PCDHGB1: variants seen among roughly 807,000 people sequenced by gnomAD.
PCDHGB1 encodes the protein protocadherin gamma subfamily B, 1.
In PCDHGB1, 34 loss-of-function variants were observed where a neutral mutation model predicts 56.6. The observed-to-expected ratio is 0.60, with a 90% confidence interval of 0.46 to 0.80. The LOEUF is 0.80. Among genes scored for constraint, PCDHGB1 ranks in the 30% least tolerant of loss-of-function variants. The pLI is 0.00. For missense variants in PCDHGB1, 1,278 were observed against 1,204.6 expected (o/e 1.06, Z -0.90); for synonymous variants, 561 against 505.9 (o/e 1.11, Z -1.46).
At chr5:141,422,709 T>A in intron 1 of PCDHGB1, 1 of 1,603,558 alleles carries the variant, frequency 6.2e-7, no homozygotes, top group Admixed American at 1.7e-5. Flanking sequence ...CTCTGACGGA[T>A]GACACTGTCC....
chr5:141,399,755 G>A (rs1420211451), intron 1 of PCDHGB1: 1 of 1,613,232 alleles, frequency 6.2e-7, no homozygotes, highest in African/African-American at 1.3e-5. Context: ...GCAAACGTGA[G>A]CCTGCGCGTG....
At chr5:141,507,833 G>C (rs1184502436) in intron 3 of PCDHGB1, among the ~76,000 whole-genome samples, 2 of 152,172 alleles carry the variant, frequency 1.3e-5, no homozygotes, top group East Asian at 3.9e-4. Flanking sequence ...GGAGGTGGTG[G>C]GTCAGGCCCT....
At chr5:141,410,821 C>A in intron 1 of PCDHGB1, 1 of 441,370 alleles carries the variant, frequency 2.3e-6, no homozygotes, top group Non-Finnish European at 3.8e-6. Context: ...AAAATAATGT[C>A]ACCAGACTGA....
rs1439786491 is a variant in PCDHGB1 at position 141,399,634 on chromosome 5, A to G, written c.2409+46965A>G. 9 of 1,613,742 alleles carry G rather than the reference A, an allele frequency of 5.6e-6. No individual in the cohort carries two copies. The highest frequency in any genetic ancestry group is 1.3e-5 in the African/African-American group (1 of 74,954). On this transcript the variant is annotated intron_variant, in intron 1 of 3. Transcript: ENST00000523390. ...TCTGGCACTGGCCTCTTACGTGTCC[A>G]TGAGCGCGCAAAGTGGGGTGGTGTT...
Position 141,486,601 on chromosome 5 carries a change from C to A in PCDHGB1, c.2410-8206C>A, listed in dbSNP as rs770685748. On this transcript the variant is annotated intron_variant, in intron 1 of 3. Transcript: ENST00000523390. The surrounding 1 kb of genome is among the most constrained non-coding windows in gnomAD (Gnocchi z 5.0). ...ATCGCCCAGGGGACCTGCTTTGCTCCCTTGCAGCCTCTGACCCAGACTCTG... is the reference window on the plus strand; with the variant it reads ...ATCGCCCAGGGGACCTGCTTTGCTCACTTGCAGCCTCTGACCCAGACTCTG... The A allele has an allele frequency of 1.9e-6, 3 of 1,613,558 alleles. No homozygotes were observed. The highest frequency in any genetic ancestry group is 3.3e-5 in the Admixed American group (2 of 60,026).
intron 1 of PCDHGB1, chr5:141,361,785 G>A: frequency 6.2e-7 from 1 of 1,613,268 alleles, no homozygotes; most frequent in Admixed American, 1.7e-5. Flanking sequence ...GCCTGCGCGT[G>A]TTAGTGGGCG....
rs200072718 is a variant in PCDHGB1 at position 141,389,516 on chromosome 5, G to C, written c.2409+36847G>C. 4,499 of 1,613,168 alleles carry C rather than the reference G, an allele frequency of 2.8e-3. 16 individuals are homozygous for C. Among genetic ancestry groups the C allele is most frequent in the Non-Finnish European group, 3.4e-3 (4,037 of 1,179,766 alleles). The stretch of plus-strand genomic sequence containing the variant: ...GCTCGCCAGCGCTCAGCGCGAACGT[G>C]AGCCTGCGCGTGTTAGTGGACGACC... On this transcript the variant is annotated intron_variant, in intron 1 of 3. Coordinates refer to ENST00000523390, the MANE Select transcript of PCDHGB1 (RefSeq NM_018922.3).
intron 1 of PCDHGB1, chr5:141,382,819 G>T (rs1449028360): frequency 3.1e-6 from 4 of 1,297,848 alleles, no homozygotes; most frequent in Non-Finnish European, 4.3e-6. Flanking sequence ...CCCTTCCTAA[G>T]ACAGAGGGGT....
intron 1 of PCDHGB1, among the ~76,000 whole-genome samples, chr5:141,467,938 C>A (rs527892047): frequency 9.8e-5 from 15 of 152,304 alleles, no homozygotes; most frequent in Non-Finnish European, 1.5e-4. Flanking sequence ...GGATTACAAG[C>A]ATGAGCCACC....
chr5:141,490,480 C>A lies in PCDHGB1; in HGVS notation c.2410-4327C>A, dbSNP rs564439931. ...GCTGCTAACCAGCCAGCCTTTGGAC[C>A]GGGAGGCCACATCCCACTATATCAT... On this transcript the variant is annotated intron_variant, in intron 1 of 3. Transcript: ENST00000523390. The surrounding 1 kb of genome is among the most constrained non-coding windows in gnomAD (Gnocchi z 5.4). 2.5e-5 allele frequency: 40 copies of A among 1,614,076 alleles called. No homozygotes were observed. The highest frequency in any genetic ancestry group is 5.9e-6 in the Non-Finnish European group (7 of 1,180,058).
At chr5:141,419,439 C>G (rs375537017) in intron 1 of PCDHGB1, 1 of 1,613,154 alleles carries the variant, frequency 6.2e-7, no homozygotes, top group Non-Finnish European at 8.5e-7. Context: ...CAGCTGCGCA[C>G]CTTCGAGCTC....
chr5:141,495,384 C>A (rs2099760896), intron 2 of PCDHGB1, among the ~76,000 whole-genome samples: 1 of 152,190 alleles, frequency 6.6e-6, no homozygotes, highest in African/African-American at 2.4e-5. Flanking sequence ...AAGGACTGGG[C>A]GGGGCATGGA....
intron 1 of PCDHGB1, among the ~76,000 whole-genome samples, chr5:141,445,978 TTATAAA>T (rs551337386): frequency 6.6e-6 from 1 of 152,272 alleles, no homozygotes; most frequent in East Asian, 1.9e-4. Context: ...TTTATGAGGG[TTATAAA>T]TAGAAATAGG....
intron 1 of PCDHGB1, chr5:141,393,160 T>A: frequency 6.2e-7 from 1 of 1,613,204 alleles, no homozygotes; most frequent in Non-Finnish European, 8.5e-7. Context: ...AAAGGAAAAC[T>A]CTTTGGGGTA....
chr5:141,408,362 C>T (rs773344794), intron 1 of PCDHGB1: 36 of 1,613,850 alleles, frequency 2.2e-5, no homozygotes, highest in Non-Finnish European at 3.1e-5. Flanking sequence ...CGCTAAGGAT[C>T]TAGGGCTCAG....
In PCDHGB1 at chr5:141,432,250, A is replaced by G. The variant is rs777728825; in HGVS notation, c.2410-62557A>G. 2 of 1,614,234 alleles carry G rather than the reference A, an allele frequency of 1.2e-6. No homozygotes were observed. Among genetic ancestry groups the G allele is most frequent in the Admixed American group, 1.7e-5 (1 of 60,026 alleles). ...ATTCCCTGGCTGAGAACACCATCCA[A>G]GGGGCAAGCCTATCGTCCTACGTGT... On this transcript the variant is annotated intron_variant, in intron 1 of 3. Transcript: ENST00000523390. The surrounding 1 kb of genome is among the most constrained non-coding windows in gnomAD (Gnocchi z 6.0).
At chr5:141,435,925 A>G (rs978837252) in intron 1 of PCDHGB1, among the ~76,000 whole-genome samples, 16 of 152,166 alleles carry the variant, frequency 1.1e-4, no homozygotes, top group Non-Finnish European at 1.5e-5. Context: ...AAAATGCGGC[A>G]GTTGCTGCTT....
In PCDHGB1 at chr5:141,431,937, A is replaced by T; in HGVS notation, c.2410-62870A>T. On this transcript the variant is annotated intron_variant, in intron 1 of 3. Coordinates refer to ENST00000523390, the MANE Select transcript of PCDHGB1 (RefSeq NM_018922.3). The surrounding 1 kb of genome is among the most constrained non-coding windows in gnomAD (Gnocchi z 4.8). ...TTCATCCAAGGAAATCTGCCCTTTAAATTAGAAAAATCTTACGGAAATTAC... is the reference window on the plus strand; with the variant it reads ...TTCATCCAAGGAAATCTGCCCTTTATATTAGAAAAATCTTACGGAAATTAC... The T allele has an allele frequency of 6.2e-7, 1 of 1,614,144 alleles. No individual in the cohort carries two copies. The highest frequency in any genetic ancestry group is 8.5e-7 in the Non-Finnish European group (1 of 1,180,014).
chr5:141,394,807 C>G (rs943252788), intron 1 of PCDHGB1: 3 of 1,613,886 alleles, frequency 1.9e-6, no homozygotes, highest in African/African-American at 2.7e-5. Context: ...GTAGCCGTGG[C>G]TGACAGCATC....
Sources: gnomAD v4.1 joint callset for allele counts (sites outside exome capture counted in the v4.1 genomes callset) on GRCh38, gnomAD v4.1.1 for gene constraint, Gnocchi (gnomAD v3.1) non-coding constraint, MANE v1.5 for transcripts, NCBI Gene and HGNC (gene_info 2026-07-23, HGNC 2026-07-21) for gene names.